The following ATP13A4 variants were observed in gnomAD, a reference collection of about 807,000 sequenced individuals.
ATP13A4 encodes the protein ATPase 13A4.
A neutral mutation model predicts 142.5 loss-of-function variants in ATP13A4; 114 were observed. The observed-to-expected ratio is 0.80, with a 90% confidence interval of 0.69 to 0.93. The LOEUF (loss-of-function observed/expected upper bound fraction) is 0.93, where lower values mean the gene tolerates loss of function less well. ATP13A4 is among the 40% of genes least tolerant of loss of function. The probability of loss-of-function intolerance (pLI) is 0.00; values close to 1 mark genes in which losing one functional copy is unlikely to be tolerated. For synonymous variants in ATP13A4, 488 were observed against 514.8 expected, an observed-to-expected ratio of 0.95 and a Z score of 0.70; for missense variants, 1,392 against 1,454.0, an observed-to-expected ratio of 0.96 and a Z score of 0.69.
intron 25 of ATP13A4, among the ~76,000 whole-genome samples, chr3:193,427,078 C>T (rs1715706241): frequency 6.6e-6 from 1 of 151,942 alleles, no homozygotes; most frequent in Non-Finnish European, 1.5e-5. Context: ...GATTTCATGT[C>T]TCATAAGAGT....
intron 18 of ATP13A4, among the ~76,000 whole-genome samples, chr3:193,444,566 C>T (rs1716832290): frequency 6.6e-6 from 1 of 152,184 alleles, no homozygotes; most frequent in African/African-American, 2.4e-5. Flanking sequence ...TTTCTTTACT[C>T]ATGTTCTTTA....
intron 5 of ATP13A4, 39 bp from the exon 6 acceptor site, chr3:193,491,437 T>C: frequency 7.0e-7 from 1 of 1,431,214 alleles, no homozygotes; most frequent in Non-Finnish European, 9.8e-7. Context: ...TCACAAATAA[T>C]AAAATTAAAA....
intron 25 of ATP13A4, among the ~76,000 whole-genome samples, chr3:193,423,229 C>T (rs2108610935): frequency 6.7e-6 from 1 of 149,454 alleles, no homozygotes; most frequent in East Asian, 2.1e-4. Context: ...TAAAACTTTT[C>T]CAATCAAAAA....
intron 17 of ATP13A4, among the ~76,000 whole-genome samples, chr3:193,451,136 T>C (rs1435523407): frequency 6.6e-6 from 1 of 152,180 alleles, no homozygotes; most frequent in Admixed American, 6.5e-5. Context: ...TTCAGCCTCT[T>C]GAACCTGGTG....
chr3:193,488,624 C>G (rs1719771214), intron 7 of ATP13A4, among the ~76,000 whole-genome samples: 1 of 151,990 alleles, frequency 6.6e-6, no homozygotes, highest in African/African-American at 2.4e-5. Flanking sequence ...TAAATGGAGT[C>G]ATGAGGGAGG....
chr3:193,407,125 G>A (rs1037819889), intron 29 of ATP13A4, among the ~76,000 whole-genome samples, 188 bp downstream of exon 29: 3 of 152,140 alleles, frequency 2.0e-5, no homozygotes, highest in Non-Finnish European at 2.9e-5. Flanking sequence ...CTTGACAGAT[G>A]AGAAAACTAA....
chr3:193,462,871 G>A, intron 12 of ATP13A4, 48 bp from the exon 13 acceptor site: 1 of 1,589,702 alleles, frequency 6.3e-7, no homozygotes, highest in Non-Finnish European at 8.6e-7. Flanking sequence ...CAGGCAAGGA[G>A]CGGTGGCTCA....
At chr3:193,422,177 C>G (rs1228664755) in intron 25 of ATP13A4, among the ~76,000 whole-genome samples, 3 of 149,792 alleles carry the variant, frequency 2.0e-5, no homozygotes, top group Non-Finnish European at 4.4e-5. Flanking sequence ...GACGTCAAGT[C>G]AAAAACTGTC....
intron 1 of ATP13A4, among the ~76,000 whole-genome samples, chr3:193,589,707 TA>T (rs1428705092): frequency 6.6e-6 from 1 of 152,174 alleles, no homozygotes. Context: ...AAGTAATTAA[TA>T]CACAAGTTCA....
chr3:193,586,039 T>C (rs1220666298), intron 1 of ATP13A4, among the ~76,000 whole-genome samples: 1 of 151,912 alleles, frequency 6.6e-6, no homozygotes, highest in Non-Finnish European at 1.5e-5. Flanking sequence ...TTGTGTTCAT[T>C]GGCCAAATAT....
intron 8 of ATP13A4, among the ~76,000 whole-genome samples, chr3:193,481,754 T>C (rs896345837): frequency 6.6e-6 from 1 of 152,168 alleles, no homozygotes; most frequent in Admixed American, 6.5e-5. Context: ...ATGGAAAATA[T>C]CTCATAAAAC....
exon 2 of ATP13A4, chr3:193,581,785 C>T (rs972664174): frequency 6.6e-6 from 1 of 152,134 alleles, no homozygotes; most frequent in Non-Finnish European, 1.5e-5. Context: ...GGCCTCCCAG[C>T]AAAATCTGGT....
chr3:193,538,901 T>C (rs568752271), intron 1 of ATP13A4, among the ~76,000 whole-genome samples: 12 of 148,958 alleles, frequency 8.1e-5, no homozygotes, highest in African/African-American at 2.7e-4. Flanking sequence ...TCTTTTTTTT[T>C]TTTTTTTTTT....
At chr3:193,536,593 T>A (rs995138252) in intron 1 of ATP13A4, among the ~76,000 whole-genome samples, 4 of 152,016 alleles carry the variant, frequency 2.6e-5, no homozygotes, top group Admixed American at 6.6e-5. Flanking sequence ...AAGACAAGAA[T>A]GTTCACTCTC....
At position 193,443,375 on chromosome 3, in the gene ATP13A4, T is replaced by C. The variant is rs537241530; in HGVS notation, c.2153-819A>G. Among the ~76,000 whole-genome samples the C allele has an allele frequency of 2.0e-5, 3 of 152,268 alleles. No individual in the cohort carries two copies. In the East Asian group the frequency reaches 5.8e-4, roughly 29 times the overall value. ...ATTGAACTATGATATAAATCACCCC[T>C]CGTTTGTGAGAGTAACCTCTGAGTG... On this transcript the variant is annotated intron_variant, in intron 18 of 29. Transcript: ENST00000342695.
At chr3:193,512,938 T>C (rs1026810006) in intron 2 of ATP13A4, among the ~76,000 whole-genome samples, 1 of 152,238 alleles carries the variant, frequency 6.6e-6, no homozygotes, top group African/African-American at 2.4e-5. Context: ...ACACGAGGCA[T>C]CAACGAAGCA....
intron 2 of ATP13A4, among the ~76,000 whole-genome samples, chr3:193,573,303 A>ATATATGTGTG (rs1553862282): frequency 1.0e-5 from 1 of 99,282 alleles, no homozygotes; most frequent in African/African-American, 3.7e-5. Context: ...ATATATATAT[A>ATATATGTGTG]TATACATATA....
At chr3:193,509,770 C>T (rs1269202057) in intron 2 of ATP13A4, among the ~76,000 whole-genome samples, 4 of 152,162 alleles carry the variant, frequency 2.6e-5, no homozygotes, top group Non-Finnish European at 5.9e-5. Context: ...TGATATGTGG[C>T]TGAGGAATGA....
intron 6 of ATP13A4, 112 bp from the exon 7 acceptor site, chr3:193,489,976 T>A: frequency 8.2e-7 from 1 of 1,213,134 alleles, no homozygotes; most frequent in Admixed American, 2.0e-5. Context: ...CCACACAATA[T>A]TCTTATTATA....
Sources: allele counts gnomAD v4.1 joint callset (sites outside exome capture counted in the v4.1 genomes callset), GRCh38; gene constraint gnomAD v4.1.1; transcripts MANE v1.5; gene names NCBI Gene and HGNC (gene_info 2026-07-23, HGNC 2026-07-21).